CSMD1: variants seen among roughly 807,000 people sequenced by gnomAD.
CSMD1 encodes the protein CUB and Sushi multiple domains 1.
A neutral mutation model predicts 417.5 loss-of-function variants in CSMD1; 213 were observed. The observed-to-expected ratio is 0.51, with a 90% CI of 0.46 to 0.57. The LOEUF (loss-of-function observed/expected upper bound fraction) is 0.57, where lower values mean the gene tolerates loss of function less well. CSMD1 is among the 20% of genes least tolerant of loss of function. The probability of loss-of-function intolerance (pLI) is 0.00; values close to 1 mark genes in which losing one functional copy is unlikely to be tolerated. For synonymous variants in CSMD1, 2,862 were observed against 1,736.8 expected (o/e 1.65, Z -16.11); for missense variants, 6,923 against 4,529.7 (o/e 1.53, Z -15.17).
chr8:3,616,780 C>T lies in CSMD1; in HGVS notation c.1027G>A (p.Ala343Thr). The T allele has an allele frequency of 6.2e-7, 1 of 1,611,500 alleles. No homozygotes were observed. Among genetic ancestry groups the T allele is most frequent in the Non-Finnish European group, 8.5e-7 (1 of 1,178,548 alleles). Residue 343 changes from alanine to threonine, a missense_variant, in exon 8 of 70, where the codon GCA becomes ACA. Ala to Thr is a moderately conservative substitution (Grantham distance 58, BLOSUM62 0). Coordinates refer to ENST00000635120, the MANE Select transcript of CSMD1 (RefSeq NM_033225.6). ...TCTGGACACATGTCAGAGACCAATG[C>T]AACACCTCCTTGGCTCACTGTAATA... ...KNSVLSQGGV[A>T]LVSDMCPDPG...
intron 5 of CSMD1, among the ~76,000 whole-genome samples, chr8:3,885,975 T>C (rs1457194429): frequency 2.6e-5 from 4 of 152,060 alleles, no homozygotes; most frequent in East Asian, 1.9e-4. Context: ...CAAAGCAATA[T>C]TGATTCAAAT....
chr8:4,067,461 T>A (rs1799310974), intron 3 of CSMD1, among the ~76,000 whole-genome samples: 1 of 147,874 alleles, frequency 6.8e-6, no homozygotes, highest in South Asian at 2.2e-4. Flanking sequence ...GTATATCAGT[T>A]CTTTTCACAT....
chr8:4,257,072 C>G (rs532567881), intron 3 of CSMD1, among the ~76,000 whole-genome samples: 3 of 152,126 alleles, frequency 2.0e-5, no homozygotes, highest in Non-Finnish European at 2.9e-5. Context: ...AATTGACAGT[C>G]TCTTCTTAGA....
intron 3 of CSMD1, among the ~76,000 whole-genome samples, chr8:4,111,700 A>G (rs28656124): frequency 0.013 from 1,933 of 152,296 alleles, 51 homozygotes; most frequent in African/African-American, 0.043. Flanking sequence ...GTTCTCACTT[A>G]TAAGTGGGAG....
At chr8:4,991,152 G>C (rs764198961) in intron 1 of CSMD1, among the ~76,000 whole-genome samples, 4 of 152,138 alleles carry the variant, frequency 2.6e-5, no homozygotes, top group Non-Finnish European at 5.9e-5. Context: ...ACAGCCAGTA[G>C]ATCAGCCCCG....
At chr8:3,229,989 A>T in intron 27 of CSMD1, 51 bp downstream of exon 27, 1 of 1,296,930 alleles carries the variant, frequency 7.7e-7, no homozygotes, top group South Asian at 1.8e-5. Context: ...TTTTAACGAC[A>T]ACATGCATCC....
intron 12 of CSMD1, among the ~76,000 whole-genome samples, chr8:3,431,252 C>A (rs1031033821): frequency 6.6e-6 from 1 of 152,140 alleles, no homozygotes; most frequent in Non-Finnish European, 1.5e-5. Context: ...CATCCCTCAC[C>A]TTCCCTCCCA....
At chr8:4,159,729 C>T (rs1797040768) in intron 3 of CSMD1, among the ~76,000 whole-genome samples, 2 of 152,156 alleles carry the variant, frequency 1.3e-5, no homozygotes, top group African/African-American at 2.4e-5. Context: ...GCTGGGACTA[C>T]AGGTGCCCGC....
At chr8:3,260,781 C>T (rs2117087727) in intron 26 of CSMD1, among the ~76,000 whole-genome samples, 1 of 152,116 alleles carries the variant, frequency 6.6e-6, no homozygotes, top group East Asian at 1.9e-4. Flanking sequence ...TCCATAAAAG[C>T]CAAAATGAAT....
At chr8:4,207,809 T>G (rs1259283196) in intron 3 of CSMD1, among the ~76,000 whole-genome samples, 2 of 152,118 alleles carry the variant, frequency 1.3e-5, no homozygotes, top group Non-Finnish European at 2.9e-5. Context: ...GTTACAATAA[T>G]TATGTTGAAA....
At chr8:4,303,827 T>G (rs1462078262) in intron 3 of CSMD1, among the ~76,000 whole-genome samples, 1 of 152,012 alleles carries the variant, frequency 6.6e-6, no homozygotes, top group Non-Finnish European at 1.5e-5. Context: ...GGCTAATTGT[T>G]GTAGTTTTTA....
intron 5 of CSMD1, among the ~76,000 whole-genome samples, chr8:3,756,211 G>A (rs1433757458): frequency 1.8e-4 from 28 of 151,816 alleles, no homozygotes; most frequent in Admixed American, 1.8e-3. Flanking sequence ...AAATTAGCCG[G>A]GCATGGTGGC....
intron 3 of CSMD1, among the ~76,000 whole-genome samples, chr8:4,171,301 C>G (rs746237423): frequency 6.6e-6 from 1 of 151,892 alleles, no homozygotes; most frequent in African/African-American, 2.4e-5. Context: ...AGCAACCCTA[C>G]GCCAGGCTGT....
intron 26 of CSMD1, among the ~76,000 whole-genome samples, chr8:3,245,187 C>G (rs985981834): frequency 2.0e-5 from 3 of 152,326 alleles, no homozygotes; most frequent in African/African-American, 7.2e-5. Flanking sequence ...CTCCTGTCTT[C>G]TGAGTTGCTC....
chr8:3,056,577 C>G (rs1812240046), intron 49 of CSMD1, among the ~76,000 whole-genome samples: 1 of 151,954 alleles, frequency 6.6e-6, no homozygotes, highest in African/African-American at 2.4e-5. Flanking sequence ...ACTATGTTAC[C>G]CAGAATGGTC....
At chr8:3,457,097 C>T (rs1816198097) in intron 12 of CSMD1, among the ~76,000 whole-genome samples, 1 of 151,514 alleles carries the variant, frequency 6.6e-6, no homozygotes, top group Non-Finnish European at 1.5e-5. Flanking sequence ...CTTCCTGGAC[C>T]CCTCCCTCTG....
intron 12 of CSMD1, among the ~76,000 whole-genome samples, chr8:3,450,238 C>G (rs1815609410): frequency 2.0e-5 from 3 of 152,144 alleles, no homozygotes; most frequent in South Asian, 4.1e-4. Context: ...ACTTCATGGT[C>G]TTTCTCTGTC....
At chr8:4,276,743 G>A (rs578222723) in intron 3 of CSMD1, among the ~76,000 whole-genome samples, 1 of 152,130 alleles carries the variant, frequency 6.6e-6, no homozygotes, top group African/African-American at 2.4e-5. Flanking sequence ...ATGTATATGT[G>A]TTTTGATGTT....
intron 2 of CSMD1, among the ~76,000 whole-genome samples, chr8:4,431,680 AAC>A (rs1193252755): frequency 6.6e-6 from 1 of 152,182 alleles, no homozygotes; most frequent in African/African-American, 2.4e-5. Context: ...AGAGGAATGA[AAC>A]AAAAGAATCC....
Sources: allele counts gnomAD v4.1 joint callset (sites outside exome capture counted in the v4.1 genomes callset), GRCh38; gene constraint gnomAD v4.1.1; transcripts MANE v1.5; gene names NCBI Gene and HGNC (gene_info 2026-07-23, HGNC 2026-07-21).